PLEK: variants seen among roughly 807,000 people sequenced by gnomAD.
The protein encoded by PLEK is platelet 47 kDa protein.
In PLEK, 25 loss-of-function variants were observed where a neutral mutation model predicts 43.9. The ratio of observed to expected loss-of-function variants is 0.57; its 90% CI spans 0.41 to 0.79. The LOEUF (loss-of-function observed/expected upper bound fraction) is 0.79, where lower values mean the gene tolerates loss of function less well. Ranked by LOEUF, PLEK falls within the 30% of genes least tolerant of loss-of-function variation. The probability of loss-of-function intolerance (pLI) is 0.00; values close to 1 mark genes in which losing one functional copy is unlikely to be tolerated. For missense variants in PLEK, 396 were observed against 413.3 expected (o/e 0.96, Z 0.36); for synonymous variants, 152 against 144.4 (o/e 1.05, Z -0.38).
intron 3 of PLEK, among the ~76,000 whole-genome samples, chr2:68,382,078 G>A (rs1231152600): frequency 2.6e-5 from 4 of 152,176 alleles, no homozygotes. Context: ...CATATGCTTA[G>A]TGGAAGCATT....
At chr2:68,372,383 C>T (rs1357138224) in intron 1 of PLEK, among the ~76,000 whole-genome samples, 1 of 151,996 alleles carries the variant, frequency 6.6e-6, no homozygotes, top group Non-Finnish European at 1.5e-5. Context: ...ATCATGTTGG[C>T]CAGGCTGGTC....
chr2:68,372,999 T>A (rs1673439243), intron 1 of PLEK, among the ~76,000 whole-genome samples: 1 of 152,174 alleles, frequency 6.6e-6, no homozygotes, highest in African/African-American at 2.4e-5. Flanking sequence ...CCTCCACTTT[T>A]TTTTATCAAT....
intron 3 of PLEK, among the ~76,000 whole-genome samples, chr2:68,381,988 A>G (rs2103772552): frequency 6.6e-6 from 1 of 152,312 alleles, no homozygotes; most frequent in East Asian, 1.9e-4. Context: ...TCGTAAGGCT[A>G]TCTTTGATGT....
At chr2:68,367,662 ACT>A (rs1418093590) in intron 1 of PLEK, among the ~76,000 whole-genome samples, 6 of 152,228 alleles carry the variant, frequency 3.9e-5, no homozygotes, top group African/African-American at 1.4e-4. Context: ...TGCATAAGAC[ACT>A]GATTATTTGT....
At chr2:68,369,681 C>T (rs1488445340) in intron 1 of PLEK, among the ~76,000 whole-genome samples, 3 of 152,034 alleles carry the variant, frequency 2.0e-5, no homozygotes, top group Admixed American at 6.6e-5. Context: ...TTAATCTTCA[C>T]CACAATGTGA....
At position 68,365,413 on chromosome 2, in the gene PLEK, A is replaced by T; in HGVS notation, c.42+20A>T. The stretch of plus-strand genomic sequence containing the variant: ...AAGAAGGTGAGCGAAGGTGCCACTT[A>T]CCAGGGTGTCAGTGGACATGGGCTG... On this transcript the variant is annotated intron_variant, in intron 1 of 8. Transcript: ENST00000234313. 6.2e-7 allele frequency: 1 copy of T among 1,607,624 alleles called. No homozygotes were observed. Among genetic ancestry groups the T allele is most frequent in the Non-Finnish European group, 8.5e-7 (1 of 1,174,170 alleles).
At chr2:68,395,215 A>AATATAAAT (rs576236634) in intron 8 of PLEK, among the ~76,000 whole-genome samples, 1 of 149,666 alleles carries the variant, frequency 6.7e-6, no homozygotes, top group East Asian at 1.9e-4. Flanking sequence ...CTGTATTATA[A>AATATAAAT]ATATAAATAT....
chr2:68,371,567 C>G (rs576166348), intron 1 of PLEK, among the ~76,000 whole-genome samples: 2 of 152,298 alleles, frequency 1.3e-5, no homozygotes, highest in African/African-American at 4.8e-5. Flanking sequence ...CATCTCCCAA[C>G]AAAGCTGAGA....
At chr2:68,389,336 G>T (rs961667352) in intron 6 of PLEK, among the ~76,000 whole-genome samples, 1 of 152,250 alleles carries the variant, frequency 6.6e-6, no homozygotes, top group African/African-American at 2.4e-5. Context: ...GCTGCACTGT[G>T]AGCTGCCTTA....
At chr2:68,367,009 G>C (rs1673287890) in intron 1 of PLEK, among the ~76,000 whole-genome samples, 1 of 152,152 alleles carries the variant, frequency 6.6e-6, no homozygotes. Context: ...GGGGATGATA[G>C]AGTCAGGGTT....
chr2:68,382,762 G>A (rs564200528), intron 4 of PLEK, 129 bp downstream of exon 4: 5 of 607,420 alleles, frequency 8.2e-6, no homozygotes, highest in Admixed American at 4.9e-5. Context: ...AGCCTGGTGA[G>A]CCTGAGGATG....
At position 68,386,602 on chromosome 2, in the gene PLEK, G is replaced by A. The variant is rs1015309032; in HGVS notation, c.573G>A (p.Gln191=). ...ASSLLNEGYL[Q]PAGDMSKSAV... is the part of the protein sequence containing the mutation. ...CGCTGCTCAATGAGGGGTATCTGCAGCCTGCTGGAGACATGTCCAAGAGTG... is the reference window on the plus strand; with the variant it reads ...CGCTGCTCAATGAGGGGTATCTGCAACCTGCTGGAGACATGTCCAAGAGTG... The change falls in exon 5 of 9, where the codon CAG becomes CAA. Residue 191 remains glutamine, a synonymous_variant. Coordinates refer to ENST00000234313, the MANE Select transcript of PLEK (RefSeq NM_002664.3). 7.4e-6 allele frequency: 12 copies of A among 1,613,818 alleles called. No individual in the cohort carries two copies. The highest frequency in any genetic ancestry group is 1.3e-5 in the African/African-American group (1 of 74,910).
At chr2:68,393,293 C>A in intron 7 of PLEK, 48 bp downstream of exon 7, 1 of 1,190,094 alleles carries the variant, frequency 8.4e-7, no homozygotes, top group Non-Finnish European at 1.3e-6. Flanking sequence ...AAATCCACTG[C>A]ATTTATAATC....
intron 1 of PLEK, among the ~76,000 whole-genome samples, chr2:68,374,984 G>A (rs1008333424): frequency 6.6e-6 from 1 of 152,078 alleles, no homozygotes; most frequent in Admixed American, 6.6e-5. Context: ...GATGAATAAA[G>A]GTGTCATGAA....
chr2:68,387,895 T>C (rs1014554505), intron 5 of PLEK: 1 of 153,040 alleles, frequency 6.5e-6, no homozygotes, highest in Non-Finnish European at 1.5e-5. Flanking sequence ...CTACTTTTGC[T>C]GAGCAAGTCC....
At chr2:68,375,699 A>G (rs1673488787) in intron 1 of PLEK, among the ~76,000 whole-genome samples, 1 of 152,226 alleles carries the variant, frequency 6.6e-6, no homozygotes, top group African/African-American at 2.4e-5. Flanking sequence ...CTTTATATAG[A>G]GGCCCTTTGT....
Position 68,395,843 on chromosome 2 carries a change from C to T in PLEK, c.*27C>T. 2 of 1,604,536 alleles carry T rather than the reference C, an allele frequency of 1.2e-6. No individual in the cohort carries two copies. The highest frequency in any genetic ancestry group is 1.7e-6 in the Non-Finnish European group (2 of 1,171,764). ...GAGACTCCTGCATTCCTCCTCCCCT[C>T]CTGAGGGAAGCCCATGGACAAGCTC... On this transcript the variant is annotated 3_prime_UTR_variant, in exon 9 of 9. Coordinates refer to ENST00000234313, the MANE Select transcript of PLEK (RefSeq NM_002664.3).
chr2:68,387,420 C>T (rs1324000066), intron 5 of PLEK, among the ~76,000 whole-genome samples: 7 of 152,212 alleles, frequency 4.6e-5, no homozygotes, highest in African/African-American at 1.4e-4. Context: ...GCTTCCTTTC[C>T]AGACAGGAGT....
chr2:68,384,341 C>T (rs1673695416), intron 4 of PLEK, among the ~76,000 whole-genome samples: 1 of 152,152 alleles, frequency 6.6e-6, no homozygotes, highest in African/African-American at 2.4e-5. Context: ...TCTCGTGCCT[C>T]AGCCTCCTGA....
Sources: allele counts gnomAD v4.1 joint callset (sites outside exome capture counted in the v4.1 genomes callset), GRCh38; gene constraint gnomAD v4.1.1; transcripts MANE v1.5; gene names NCBI Gene and HGNC (gene_info 2026-07-23, HGNC 2026-07-21).